BLTP1: variants seen among roughly 807,000 people sequenced by gnomAD.
BLTP1 encodes fragile site-associated protein.
chr4:122,235,503 T>A, the BLTP1 span: 14 of 980,252 alleles, frequency 1.4e-5, no homozygotes, highest in Non-Finnish European at 1.7e-5. Context: ...ACTCCAGTCT[T>A]AGAATCTTTA....
the BLTP1 span, chr4:122,224,818 T>G: frequency 6.4e-7 from 1 of 1,551,970 alleles, no homozygotes; most frequent in South Asian, 1.2e-5. Context: ...TTCTTGCCAT[T>G]CAGAATTTTA....
the BLTP1 span, among the ~76,000 whole-genome samples, chr4:122,361,325 C>T: frequency 6.6e-6 from 1 of 152,030 alleles, no homozygotes; most frequent in East Asian, 1.9e-4. Flanking sequence ...AACTTAACTT[C>T]GGGGAAGGGC....
At chr4:122,199,279 G>C in the BLTP1 span, 2 of 1,550,790 alleles carry the variant, frequency 1.3e-6, no homozygotes, top group African/African-American at 2.7e-5. Context: ...TTGAGTGGTG[G>C]TAGGAGTTGG....
chr4:122,153,619 T>G, the BLTP1 span, among the ~76,000 whole-genome samples: 1 of 152,154 alleles, frequency 6.6e-6, no homozygotes, highest in South Asian at 2.1e-4. Flanking sequence ...CACCCTGTGA[T>G]TTTGCAAGAT....
the BLTP1 span, chr4:122,234,211 C>A: frequency 3.2e-6 from 2 of 631,508 alleles, no homozygotes; most frequent in Non-Finnish European, 3.9e-6. Context: ...TATTTGTAGT[C>A]CTTATTACAA....
the BLTP1 span, chr4:122,346,293 A>G: frequency 3.7e-6 from 1 of 267,160 alleles, no homozygotes; most frequent in Non-Finnish European, 5.8e-6. Context: ...AAATTTGTAT[A>G]CCAGCTCATC....
the BLTP1 span, chr4:122,183,338 A>AAC: frequency 3.6e-6 from 3 of 843,688 alleles, no homozygotes; most frequent in African/African-American, 3.7e-5. Flanking sequence ...CCTGTCTCAA[A>AAC]AAAAAAAAAA....
the BLTP1 span, chr4:122,347,655 A>G: frequency 6.2e-7 from 1 of 1,613,884 alleles, no homozygotes; most frequent in South Asian, 1.1e-5. Flanking sequence ...TGCCTCAGTC[A>G]CCTAATGTGT....
chr4:122,203,142 A>G, the BLTP1 span, among the ~76,000 whole-genome samples: 9 of 152,094 alleles, frequency 5.9e-5, no homozygotes, highest in South Asian at 6.2e-4. Flanking sequence ...TGCTTTGTCT[A>G]TTGTTGGAAT....
At chr4:122,235,611 C>T in the BLTP1 span, 111 of 259,140 alleles carry the variant, frequency 4.3e-4, no homozygotes, top group Non-Finnish European at 6.3e-4. Flanking sequence ...CAAGACCATC[C>T]TGGCTAACGT....
At chr4:122,348,215 G>A in the BLTP1 span, among the ~76,000 whole-genome samples, 1 of 152,138 alleles carries the variant, frequency 6.6e-6, no homozygotes, top group Admixed American at 6.6e-5. Context: ...TTCTGCCTTT[G>A]AGTCCTGTAT....
chr4:122,299,123 T>C, the BLTP1 span: 1 of 984,912 alleles, frequency 1.0e-6, no homozygotes, highest in Non-Finnish European at 1.2e-6. Context: ...GATAAATTAA[T>C]ATACAGAAAT....
the BLTP1 span, chr4:122,331,654 A>T: frequency 1.9e-5 from 28 of 1,443,534 alleles, no homozygotes; most frequent in South Asian, 4.2e-4. Context: ...TTGAAGTGTA[A>T]ATGTAATTAT....
chr4:122,203,973 T>C, the BLTP1 span: 2 of 289,706 alleles, frequency 6.9e-6, 1 homozygote, highest in South Asian at 2.7e-4. Flanking sequence ...TTTATTTCAC[T>C]AGCAATCGTA....
the BLTP1 span, among the ~76,000 whole-genome samples, chr4:122,195,872 G>A: frequency 1.3e-5 from 2 of 152,108 alleles, no homozygotes; most frequent in African/African-American, 4.8e-5. Context: ...ATTCTAGGTA[G>A]CATTTTCTGT....
At chr4:122,351,041 A>T in the BLTP1 span, 1 of 152,442 alleles carries the variant, frequency 6.6e-6, no homozygotes, top group Admixed American at 6.5e-5. Flanking sequence ...TAGGCAGTTA[A>T]GAATGGAAGG....
chr4:122,356,077 CTAA>C, the BLTP1 span: 2 of 880,880 alleles, frequency 2.3e-6, no homozygotes, highest in Non-Finnish European at 3.3e-6. Context: ...TTTTGTAATA[CTAA>C]TATCTAATGA....
At chr4:122,221,588 T>C in the BLTP1 span, among the ~76,000 whole-genome samples, 1 of 151,854 alleles carries the variant, frequency 6.6e-6, no homozygotes, top group Non-Finnish European at 1.5e-5. Context: ...TGTAGATTCA[T>C]GTAACCACCA....
At chr4:122,174,605 A>T in the BLTP1 span, 1 of 1,609,446 alleles carries the variant, frequency 6.2e-7, no homozygotes, top group Non-Finnish European at 8.5e-7. Flanking sequence ...TTTCTGGAAA[A>T]GTCATGGTTC....
Sources: allele counts gnomAD v4.1 joint callset (sites outside exome capture counted in the v4.1 genomes callset), GRCh38; gene constraint gnomAD v4.1.1; transcripts MANE v1.5; gene names NCBI Gene and HGNC (gene_info 2026-07-23, HGNC 2026-07-21).